SPIN1: variants seen among roughly 807,000 people sequenced by gnomAD.
SPIN1 encodes the protein spindlin-1.
In SPIN1, 3 loss-of-function variants were observed where a neutral mutation model predicts 26.0. That is an observed-to-expected ratio of 0.12 (90% confidence interval 0.05 to 0.30). SPIN1 has a LOEUF of 0.30. Among genes scored for constraint, SPIN1 ranks in the 10% least tolerant of loss-of-function variants. SPIN1 has a pLI of 1.00. For missense variants in SPIN1, 126 were observed against 333.4 expected, an observed-to-expected ratio of 0.38 and a Z score of 4.84; for synonymous variants, 101 against 116.5, an observed-to-expected ratio of 0.87 and a Z score of 0.86.
At chr9:88,452,890 C>T (rs927285578) in intron 3 of SPIN1, among the ~76,000 whole-genome samples, 33 of 152,022 alleles carry the variant, frequency 2.2e-4, no homozygotes, top group Non-Finnish European at 4.9e-4. Flanking sequence ...ATTACAATAC[C>T]AAATAGACCA....
At chr9:88,402,049 G>T (rs751917064) in intron 1 of SPIN1, among the ~76,000 whole-genome samples, 2 of 152,058 alleles carry the variant, frequency 1.3e-5, no homozygotes, top group African/African-American at 4.8e-5. Flanking sequence ...GGAGTGCGGC[G>T]GTGCGATCTT....
At chr9:88,443,817 C>G (rs1039529838) in intron 2 of SPIN1, among the ~76,000 whole-genome samples, 3 of 152,166 alleles carry the variant, frequency 2.0e-5, no homozygotes, top group African/African-American at 7.2e-5. Flanking sequence ...CACCCCTACC[C>G]CTTGTGGGAC....
At chr9:88,417,531 G>A (rs1047475233) in intron 1 of SPIN1, among the ~76,000 whole-genome samples, 2 of 152,058 alleles carry the variant, frequency 1.3e-5, no homozygotes, top group Non-Finnish European at 2.9e-5. Flanking sequence ...GGAATGCAGT[G>A]GTGTGATCTC....
At chr9:88,454,698 A>G (rs1417768209) in intron 3 of SPIN1, among the ~76,000 whole-genome samples, 1 of 152,212 alleles carries the variant, frequency 6.6e-6, no homozygotes, top group Non-Finnish European at 1.5e-5. Context: ...TAGTGTATCT[A>G]AACCTGTCTT....
chr9:88,397,485 G>C (rs1000536630), intron 1 of SPIN1, among the ~76,000 whole-genome samples: 1 of 152,064 alleles, frequency 6.6e-6, no homozygotes, highest in African/African-American at 2.4e-5. Flanking sequence ...TTTGTTAACA[G>C]TTATTCCTGG....
chr9:88,475,203 A>G lies in SPIN1; in HGVS notation c.715A>G (p.Lys239Glu), dbSNP rs534075988. ...CATGGTCATTCATCAAGTAGAAGCC[A>G]AGCCCTCCGTCTATTTCATCAAGTT... The part of the protein sequence containing the change: ...TGMVIHQVEA[K>E]PSVYFIKFDD... The change falls in exon 6 of 6, where the codon AAG (lysine) becomes GAG (glutamate). Residue 239 changes from lysine (K) to glutamate (E), a missense_variant. Physicochemically the swap from Lys to Glu is moderately conservative, Grantham distance 56 (BLOSUM62 1). Around this residue, in one of 7 missense-constraint regions of SPIN1, gnomAD observed 29 missense variants for 72.0 expected, o/e 0.40. Coordinates refer to ENST00000375859, the MANE Select transcript of SPIN1 (RefSeq NM_006717.3). The G allele has an allele frequency of 6.2e-7, 1 of 1,614,096 alleles. No individual in the cohort carries two copies. The highest frequency in any genetic ancestry group is 1.3e-5 in the African/African-American group (1 of 75,028).
At chr9:88,446,410 T>TTTG (rs1347677757) in intron 2 of SPIN1, among the ~76,000 whole-genome samples, 5 of 141,534 alleles carry the variant, frequency 3.5e-5, no homozygotes, top group African/African-American at 1.4e-4. Context: ...GGTTTGCTGT[T>TTTG]TTTTTTTTTT....
intron 1 of SPIN1, among the ~76,000 whole-genome samples, chr9:88,416,062 C>T (rs541290748): frequency 6.6e-6 from 1 of 152,004 alleles, no homozygotes; most frequent in Non-Finnish European, 1.5e-5. Context: ...AGCCCAAGAA[C>T]GTCTTAATAA....
chr9:88,394,608 A>C (rs1213326685), intron 1 of SPIN1, among the ~76,000 whole-genome samples: 4 of 152,140 alleles, frequency 2.6e-5, no homozygotes, highest in Admixed American at 6.5e-5. Context: ...TGAAAATAAC[A>C]CTAATAAGCA....
chr9:88,410,188 T>TGTGTGTGTGTGTGTGCGCGCGC (rs4029765), intron 1 of SPIN1, among the ~76,000 whole-genome samples: 1 of 142,874 alleles, frequency 7.0e-6, no homozygotes, highest in Non-Finnish European at 1.5e-5. Context: ...TGTGTGTGTG[T>TGTGTGTGTGTGTGTGCGCGCGC]GCAACTTTTT....
chr9:88,466,953 C>T (rs916018731), intron 4 of SPIN1, among the ~76,000 whole-genome samples: 1 of 152,104 alleles, frequency 6.6e-6, no homozygotes. Flanking sequence ...CCCAGGCTGG[C>T]CTCAAACTTC....
At chr9:88,416,496 C>CT (rs1355428601) in intron 1 of SPIN1, 1 of 152,094 alleles carries the variant, frequency 6.6e-6, no homozygotes, top group Non-Finnish European at 1.5e-5. Context: ...CATTTCTCTA[C>CT]TTTTAATAAT....
chr9:88,456,451 G>A (rs1210051117), intron 3 of SPIN1, among the ~76,000 whole-genome samples: 2 of 152,082 alleles, frequency 1.3e-5, no homozygotes, highest in East Asian at 1.9e-4. Context: ...AGATAGTAAG[G>A]GCTGGACAAT....
chr9:88,389,850 G>C (rs993331774), intron 1 of SPIN1, among the ~76,000 whole-genome samples: 1 of 151,926 alleles, frequency 6.6e-6, no homozygotes, highest in Admixed American at 6.6e-5. Context: ...GATATACTGA[G>C]TTTTTTTTAA....
rs755186738 is a variant in SPIN1 at position 88,478,592 on chromosome 9, A to G, written c.*3315A>G. On this transcript the variant is annotated 3_prime_UTR_variant, in exon 6 of 6. Transcript: ENST00000375859. ...CAGTTCCCTGTTCTCTGCATTTAGA[A>G]GTATACACAATATAAATCTGTTAAT... 18 of 152,328 alleles carry G rather than the reference A, an allele frequency of 1.2e-4. No individual in the cohort carries two copies. The highest frequency in any genetic ancestry group is 1.2e-3 in the Admixed American group (18 of 15,276). The allele number at this position is 152,328 out of a possible 1,614,324, so 9.4% of individuals were successfully genotyped here. A position where few individuals can be genotyped will look rare whatever the true frequency, so the allele number is the denominator to read the frequency against.
chr9:88,393,445 G>GTTTTTTTTTTTTTTTTTT (rs57244433), intron 1 of SPIN1, among the ~76,000 whole-genome samples: 1 of 88,430 alleles, frequency 1.1e-5, no homozygotes, highest in Non-Finnish European at 2.1e-5. Flanking sequence ...TTGCTTTTGG[G>GTTTTTTTTTTTTTTTTTT]TTTTTTTTTT....
intron 2 of SPIN1, among the ~76,000 whole-genome samples, chr9:88,440,654 C>A (rs868522005): frequency 6.7e-6 from 1 of 149,656 alleles, no homozygotes; most frequent in Non-Finnish European, 1.5e-5. Context: ...TCTCAGCGTA[C>A]TGCAACCTCC....
intron 2 of SPIN1, among the ~76,000 whole-genome samples, chr9:88,430,027 TAG>T (rs898945871): frequency 6.6e-6 from 1 of 152,246 alleles, no homozygotes; most frequent in African/African-American, 2.4e-5. Context: ...GTTTATAAAA[TAG>T]AGTCTTAATC....
At chr9:88,402,617 C>T (rs1827215527) in intron 1 of SPIN1, among the ~76,000 whole-genome samples, 1 of 151,974 alleles carries the variant, frequency 6.6e-6, no homozygotes, top group Non-Finnish European at 1.5e-5. Context: ...CCTCCAGCTT[C>T]ACCCATGTTG....
Sources: allele counts gnomAD v4.1 joint callset (sites outside exome capture counted in the v4.1 genomes callset), GRCh38; gene constraint gnomAD v4.1.1; regional missense constraint gnomAD v4.1.1; transcripts MANE v1.5; gene names NCBI Gene and HGNC (gene_info 2026-07-23, HGNC 2026-07-21).